Variants in TLN2 observed in about 807,000 individuals in gnomAD.
TLN2 encodes talin 2.
TLN2 carries 118 observed loss-of-function variants against 294.7 expected under a neutral mutation model. The ratio of observed to expected loss-of-function variants is 0.40; its 90% CI spans 0.34 to 0.47. The LOEUF is 0.47. Ranked by LOEUF, TLN2 falls within the 20% of genes least tolerant of loss-of-function variation. The pLI is 0.84. For missense variants in TLN2, 3,083 were observed against 3,282.2 expected (o/e 0.94, Z 1.48); for synonymous variants, 1,431 against 1,304.5 (o/e 1.10, Z -2.09).
intron 2 of TLN2, among the ~76,000 whole-genome samples, chr15:62,611,256 T>A (rs2047890687): frequency 6.6e-6 from 1 of 152,214 alleles, no homozygotes; most frequent in Admixed American, 6.5e-5. Flanking sequence ...CCCCAATGAT[T>A]GAAAAAAACT....
intron 9 of TLN2, among the ~76,000 whole-genome samples, chr15:62,671,775 C>CT (rs1009791081): frequency 2.0e-5 from 3 of 152,248 alleles, no homozygotes; most frequent in Non-Finnish European, 2.9e-5. Flanking sequence ...TTTGAAGAAA[C>CT]TAAGTTATTT....
At position 62,724,958 on chromosome 15, in the gene TLN2, T is replaced by C. The variant is rs754276727; in HGVS notation, c.3127-18T>C. The C allele has an allele frequency of 3.7e-6, 6 of 1,606,564 alleles. No individual in the cohort carries two copies. The highest frequency in any genetic ancestry group is 4.3e-6 in the Non-Finnish European group (5 of 1,176,408). Reference sequence around the variant, plus strand: ...TCCCAAGCAGACTGGGTATACATATTTCCAACTCTGTTGGCAGGCCCATGA... The same window carrying C: ...TCCCAAGCAGACTGGGTATACATATCTCCAACTCTGTTGGCAGGCCCATGA... On this transcript the variant is annotated intron_variant, in intron 26 of 58. Coordinates refer to ENST00000636159, the MANE Select transcript of TLN2 (RefSeq NM_015059.3).
At chr15:62,437,109 A>G (rs923652314) in intron 1 of TLN2, among the ~76,000 whole-genome samples, 2 of 152,198 alleles carry the variant, frequency 1.3e-5, no homozygotes, top group African/African-American at 4.8e-5. Context: ...GGACTTTTTA[A>G]TCACTTTGGC....
In TLN2 at chr15:62,835,744, C is replaced by G; in HGVS notation, c.7136C>G (p.Ser2379Cys). 1 of 1,614,178 alleles carries G rather than the reference C, an allele frequency of 6.2e-7. No homozygotes were observed. The highest frequency in any genetic ancestry group is 8.5e-7 in the Non-Finnish European group (1 of 1,180,038). Residue 2379 changes from serine to cysteine, a missense_variant, in exon 56 of 59, where the codon TCC becomes TGC. Transcript: ENST00000636159. ...RELVAQGKVGSIPANAADDGQ... is the reference protein window; with the variant it reads ...RELVAQGKVGCIPANAADDGQ... ...CTCGACTCTACTCTCTAGGTGGGCT[C>G]CATCCCTGCCAATGCTGCAGACGAC...
At chr15:62,556,654 A>ATTTTT (rs1469667031) in intron 1 of TLN2, among the ~76,000 whole-genome samples, 1 of 151,874 alleles carries the variant, frequency 6.6e-6, no homozygotes, top group Non-Finnish European at 1.5e-5. Flanking sequence ...AATCCACTAG[A>ATTTTT]CTCTAGGCAG....
chr15:62,489,201 C>G (rs938523907), intron 1 of TLN2, among the ~76,000 whole-genome samples: 1 of 152,082 alleles, frequency 6.6e-6, no homozygotes, highest in African/African-American at 2.4e-5. Flanking sequence ...ATGCACAACT[C>G]CATGAATGAC....
chr15:62,573,136 G>A (rs1332318151), intron 1 of TLN2, among the ~76,000 whole-genome samples: 1 of 152,146 alleles, frequency 6.6e-6, no homozygotes, highest in Non-Finnish European at 1.5e-5. Context: ...TCCTGAGCCA[G>A]GTGTGGTTTC....
chr15:62,710,812 G>T (rs544636950), intron 21 of TLN2, among the ~76,000 whole-genome samples: 1 of 125,700 alleles, frequency 8.0e-6, no homozygotes, highest in African/African-American at 2.9e-5. Context: ...TGCAAGCTCC[G>T]CCTCCCAGGT....
intron 1 of TLN2, among the ~76,000 whole-genome samples, chr15:62,497,837 G>A (rs1324135115): frequency 1.3e-5 from 2 of 152,108 alleles, no homozygotes; most frequent in Non-Finnish European, 2.9e-5. Flanking sequence ...GGTTTTGGCT[G>A]CTTTTATGTT....
rs1024749114 is a variant in TLN2 at position 62,597,219 on chromosome 15, G to A, written c.-162+7457G>A. Among the ~76,000 whole-genome samples the A allele has an allele frequency of 3.9e-5, 6 of 152,102 alleles. No homozygotes were observed. The South Asian group carries it at 6.2e-4, about 16-fold the overall frequency. ...TCCAACCCCTCAATTTCAGGCAGCT[G>A]TACCTTTAATTTTATATTCTGTTCT... is the stretch of plus-strand genomic sequence containing the variant. On this transcript the variant is annotated intron_variant, in intron 2 of 58. Transcript: ENST00000636159.
At chr15:62,777,521 C>T (rs977501786) in intron 43 of TLN2, among the ~76,000 whole-genome samples, 4 of 120,728 alleles carry the variant, frequency 3.3e-5, no homozygotes, top group African/African-American at 9.1e-5. Context: ...GGGCAACGAG[C>T]GAAACTCTCA....
chr15:62,642,093 A>C (rs577896932), intron 3 of TLN2, among the ~76,000 whole-genome samples: 64 of 152,358 alleles, frequency 4.2e-4, no homozygotes, highest in African/African-American at 1.3e-3. Flanking sequence ...GAAACCACAG[A>C]AGGGTTTTGT....
chr15:62,599,572 C>T (rs892705002), intron 2 of TLN2, among the ~76,000 whole-genome samples: 3 of 152,188 alleles, frequency 2.0e-5, no homozygotes, highest in African/African-American at 4.8e-5. Context: ...AGGCAGACCC[C>T]AACCGTTCAT....
chr15:62,658,607 C>T (rs1012605684), intron 9 of TLN2, among the ~76,000 whole-genome samples: 4 of 152,232 alleles, frequency 2.6e-5, no homozygotes, highest in Non-Finnish European at 5.9e-5. Context: ...ACATTGTGAG[C>T]CTGAGGCTGA....
intron 2 of TLN2, among the ~76,000 whole-genome samples, chr15:62,614,607 T>G (rs761220387): frequency 1.3e-5 from 2 of 152,206 alleles, no homozygotes; most frequent in African/African-American, 4.8e-5. Flanking sequence ...GGAAGCCACC[T>G]TTTTTGACAT....
rs781000627 is a variant in TLN2 at position 62,740,677 on chromosome 15, G to C, written c.3933G>C (p.Ser1311=). ...TGATAGGGAACCTCAAGAATATCTC[G>C]ATGGCATCCAGCAAGCTGCTGTTAG... ...IQVIGNLKNI[S]MASSKLLLAA... Residue 1311 remains serine (S), a synonymous_variant, in exon 32 of 59, where the codon TCG becomes TCC. Transcript: ENST00000636159. The C allele has an allele frequency of 6.2e-7, 1 of 1,614,184 alleles. No homozygotes were observed. The highest frequency in any genetic ancestry group is 1.7e-5 in the Admixed American group (1 of 60,022).
At chr15:62,577,172 G>A (rs138399980) in intron 1 of TLN2, among the ~76,000 whole-genome samples, 47 of 152,316 alleles carry the variant, frequency 3.1e-4, no homozygotes, top group African/African-American at 9.1e-4. Context: ...TGCCGGGCGC[G>A]GTGGCTCACG....
At chr15:62,724,736 G>A (rs186541585) in intron 26 of TLN2, among the ~76,000 whole-genome samples, 1 of 152,176 alleles carries the variant, frequency 6.6e-6, no homozygotes, top group African/African-American at 2.4e-5. Context: ...GGTCACTTCC[G>A]GAACTCTTAC....
chr15:62,478,744 A>T (rs996068741), intron 1 of TLN2, among the ~76,000 whole-genome samples: 2 of 152,206 alleles, frequency 1.3e-5, no homozygotes, highest in Non-Finnish European at 2.9e-5. Context: ...TGTCAAAGAC[A>T]ATCTCCAAGT....
Sources: gnomAD v4.1 joint callset for allele counts (sites outside exome capture counted in the v4.1 genomes callset) on GRCh38, gnomAD v4.1.1 for gene constraint, MANE v1.5 for transcripts, NCBI Gene and HGNC (gene_info 2026-07-23, HGNC 2026-07-21) for gene names.